The following FBXL17 variants were observed in gnomAD, a reference collection of about 807,000 sequenced individuals.
The protein encoded by FBXL17 is F-box and leucine rich repeat protein 17.
A neutral mutation model predicts 66.2 loss-of-function variants in FBXL17; 22 were observed. The observed-to-expected ratio is 0.33, with a 90% CI of 0.24 to 0.47. The LOEUF is 0.47. Ranked by LOEUF, FBXL17 falls within the 20% of genes least tolerant of loss-of-function variation. The pLI is 1.00. For synonymous variants in FBXL17, 474 were observed against 400.5 expected (o/e 1.18, Z -2.19); for missense variants, 878 against 948.2 (o/e 0.93, Z 0.97).
At chr5:108,354,872 T>G (rs1487179099) in intron 3 of FBXL17, among the ~76,000 whole-genome samples, 1 of 152,022 alleles carries the variant, frequency 6.6e-6, no homozygotes, top group African/African-American at 2.4e-5. Flanking sequence ...AGTGAAATAT[T>G]TAAAGTTTCG....
At position 107,885,831 on chromosome 5, in the gene FBXL17, G is replaced by A. The variant is rs538795100; in HGVS notation, c.1823-4652C>T. Reference sequence around the variant, plus strand: ...GTAAAAAATAAAGAAGCAGGCACGAGATGTGGGGGTGGGGTTGTGAGGAAG... The same window carrying A: ...GTAAAAAATAAAGAAGCAGGCACGAAATGTGGGGGTGGGGTTGTGAGGAAG... On this transcript the variant is annotated intron_variant, in intron 7 of 8. Transcript: ENST00000542267. Among the ~76,000 whole-genome samples, 3 of 152,218 alleles carry A rather than the reference G, an allele frequency of 2.0e-5. No individual in the cohort carries two copies. The East Asian group carries it at 5.8e-4, about 29-fold the overall frequency.
intron 7 of FBXL17, among the ~76,000 whole-genome samples, chr5:107,937,744 TCACGTACTTG>T (rs1750960483): frequency 1.3e-5 from 2 of 152,236 alleles, no homozygotes; most frequent in South Asian, 2.1e-4. Context: ...CAGCATGAGA[TCACGTACTTG>T]CCCCCATCGG....
chr5:107,963,942 T>C (rs1262302147), intron 7 of FBXL17, among the ~76,000 whole-genome samples: 1 of 152,174 alleles, frequency 6.6e-6, no homozygotes, highest in Admixed American at 6.6e-5. Flanking sequence ...CTAAAAATCC[T>C]TTAAATATTT....
intron 7 of FBXL17, among the ~76,000 whole-genome samples, chr5:107,909,269 G>C (rs1749869456): frequency 6.6e-6 from 1 of 152,106 alleles, no homozygotes; most frequent in African/African-American, 2.4e-5. Context: ...AGTTTCCATG[G>C]AAAGAGCCAC....
intron 6 of FBXL17, among the ~76,000 whole-genome samples, chr5:108,141,806 C>T (rs886620150): frequency 6.6e-6 from 1 of 152,208 alleles, no homozygotes; most frequent in African/African-American, 2.4e-5. Flanking sequence ...CAGGCCTGCA[C>T]TGCTCTCCTC....
intron 5 of FBXL17, among the ~76,000 whole-genome samples, chr5:108,190,310 A>G (rs1023921949): frequency 6.6e-6 from 1 of 152,170 alleles, no homozygotes; most frequent in East Asian, 1.9e-4. Context: ...TCAGCTTCCA[A>G]GAAAATACTT....
At chr5:107,976,673 A>AT (rs1000652117) in intron 7 of FBXL17, among the ~76,000 whole-genome samples, 3 of 152,178 alleles carry the variant, frequency 2.0e-5, no homozygotes, top group African/African-American at 7.2e-5. Context: ...AACACATTTC[A>AT]TTTTTTAAAA....
chr5:107,937,961 T>A (rs528084665), intron 7 of FBXL17, among the ~76,000 whole-genome samples: 3 of 152,296 alleles, frequency 2.0e-5, no homozygotes, highest in African/African-American at 7.2e-5. Flanking sequence ...AACCTTCTCC[T>A]ACATGGCTAG....
At chr5:108,052,292 CTA>C (rs1747516889) in intron 6 of FBXL17, among the ~76,000 whole-genome samples, 2 of 152,122 alleles carry the variant, frequency 1.3e-5, no homozygotes, top group South Asian at 4.1e-4. Context: ...TTACATGACT[CTA>C]TACTGAGAAA....
chr5:108,102,952 AG>A (rs1160494517), intron 6 of FBXL17, among the ~76,000 whole-genome samples: 1 of 152,248 alleles, frequency 6.6e-6, no homozygotes, highest in Non-Finnish European at 1.5e-5. Context: ...ACAAACTAAA[AG>A]ATATAACATC....
At chr5:108,136,604 C>A (rs1751144430) in intron 6 of FBXL17, among the ~76,000 whole-genome samples, 1 of 152,046 alleles carries the variant, frequency 6.6e-6, no homozygotes, top group Admixed American at 6.6e-5. Context: ...CTTAGTGGGA[C>A]CCTCCTTACA....
At chr5:107,941,877 A>T (rs1424853617) in intron 7 of FBXL17, among the ~76,000 whole-genome samples, 2 of 152,210 alleles carry the variant, frequency 1.3e-5, no homozygotes. Context: ...TTAGAAAAGA[A>T]GGTGACAGAA....
At chr5:108,274,633 A>G (rs954813440) in intron 4 of FBXL17, among the ~76,000 whole-genome samples, 1 of 152,178 alleles carries the variant, frequency 6.6e-6, no homozygotes, top group African/African-American at 2.4e-5. Flanking sequence ...AGGAAATCAC[A>G]AGGGTATTGA....
At position 108,344,420 on chromosome 5, in the gene FBXL17, T is replaced by C. The variant is rs554332451; in HGVS notation, c.1506+3979A>G. Among the ~76,000 whole-genome samples the C allele has an allele frequency of 5.3e-5, 8 of 152,322 alleles. No individual in the cohort carries two copies. The East Asian group carries it at 1.5e-3, about 29-fold the overall frequency. ...TTTCCCTATAACTTTCTGAAATCTA[T>C]TCATAGTATTACTATTTTCTTGAGA... On this transcript the variant is annotated intron_variant, in intron 4 of 8. Transcript: ENST00000542267.
chr5:107,943,775 C>A (rs917288483), intron 7 of FBXL17, among the ~76,000 whole-genome samples: 6 of 152,080 alleles, frequency 3.9e-5, no homozygotes, highest in African/African-American at 7.2e-5. Flanking sequence ...GTCCATAAAA[C>A]CTGAAATATT....
chr5:108,123,132 T>C (rs1440609889), intron 6 of FBXL17, among the ~76,000 whole-genome samples: 1 of 151,420 alleles, frequency 6.6e-6, no homozygotes, highest in Non-Finnish European at 1.5e-5. Context: ...ATGGTGGTTG[T>C]GCATGTGCTT....
chr5:107,896,788 T>C lies in FBXL17; in HGVS notation c.1823-15609A>G, dbSNP rs12153125. Among the ~76,000 whole-genome samples the C allele has an allele frequency of 4.3e-3, 657 of 152,144 alleles. 3 individuals are homozygous for C. The highest frequency in any genetic ancestry group is 5.4e-3 in the Non-Finnish European group (370 of 67,990). ...ATAAATGAATCCAACGTAAAGACCATTGAAAATAAGAAAAGAGAATTTGTG... is the reference window on the plus strand; with the variant it reads ...ATAAATGAATCCAACGTAAAGACCACTGAAAATAAGAAAAGAGAATTTGTG... On this transcript the variant is annotated intron_variant, in intron 7 of 8. Coordinates refer to ENST00000542267, the MANE Select transcript of FBXL17 (RefSeq NM_001163315.3).
At chr5:108,192,430 G>GA (rs142668635) in intron 5 of FBXL17, among the ~76,000 whole-genome samples, 1 of 151,908 alleles carries the variant, frequency 6.6e-6, no homozygotes, top group Admixed American at 6.5e-5. Flanking sequence ...GCTTTTATTA[G>GA]AAAAAAAGTG....
At chr5:108,210,253 A>G (rs1754308898) in intron 5 of FBXL17, among the ~76,000 whole-genome samples, 1 of 152,112 alleles carries the variant, frequency 6.6e-6, no homozygotes, top group Non-Finnish European at 1.5e-5. Context: ...GATCTTTTCA[A>G]AAAACCAGCT....
Sources: gnomAD v4.1 joint callset for allele counts (sites outside exome capture counted in the v4.1 genomes callset) on GRCh38, gnomAD v4.1.1 for gene constraint, MANE v1.5 for transcripts, NCBI Gene and HGNC (gene_info 2026-07-23, HGNC 2026-07-21) for gene names.